Variants in NPR3 observed in about 807,000 individuals in gnomAD.
The protein encoded by NPR3 is atrial natriuretic peptide receptor 3.
In NPR3, 34 loss-of-function variants were observed where a neutral mutation model predicts 54.5. The observed-to-expected ratio is 0.62, with a 90% CI of 0.47 to 0.83. The LOEUF (loss-of-function observed/expected upper bound fraction) is 0.83, where lower values mean the gene tolerates loss of function less well. Ranked by LOEUF, NPR3 falls within the 40% of genes least tolerant of loss-of-function variation. NPR3 has a pLI of 0.00. For synonymous variants in NPR3, 289 were observed against 297.1 expected, an observed-to-expected ratio of 0.97 and a Z score of 0.28; for missense variants, 674 against 720.8, an observed-to-expected ratio of 0.94 and a Z score of 0.74.
rs185046580 is a variant in NPR3 at position 32,697,021 on chromosome 5, A to G, written c.100+7835A>G. Among the ~76,000 whole-genome samples, 216 of 152,206 alleles carry G rather than the reference A, an allele frequency of 1.4e-3. 1 individual carries two copies. Among genetic ancestry groups the G allele is most frequent in the African/African-American group, 5.1e-3 (211 of 41,552 alleles). On this transcript the variant is annotated intron_variant, in intron 1 of 5. Transcript: ENST00000509104. ...TCCTCTGGCTAAGACTTCCAGTACTATGTTTAATAACAGTGGTGACAGTGT... is the reference window on the plus strand; with the variant it reads ...TCCTCTGGCTAAGACTTCCAGTACTGTGTTTAATAACAGTGGTGACAGTGT...
intron 3 of NPR3, among the ~76,000 whole-genome samples, chr5:32,758,471 C>T (rs904565811): frequency 1.3e-4 from 19 of 151,956 alleles, no homozygotes; most frequent in African/African-American, 3.1e-4. Flanking sequence ...TTTTTTATTG[C>T]GTCTATTTGA....
chr5:32,721,016 A>G (rs1238247742), intron 1 of NPR3, among the ~76,000 whole-genome samples: 2 of 152,248 alleles, frequency 1.3e-5, no homozygotes, highest in African/African-American at 4.8e-5. Flanking sequence ...GATTGTATAA[A>G]GGCAAGTTAC....
chr5:32,783,281 T>C (rs944094111), intron 6 of NPR3: 2 of 353,782 alleles, frequency 5.7e-6, no homozygotes, highest in Non-Finnish European at 5.0e-6. Context: ...CTTGGCTAGG[T>C]CATGTTTCCA....
At chr5:32,736,224 C>A (rs1739735938) in intron 2 of NPR3, among the ~76,000 whole-genome samples, 1 of 110,076 alleles carries the variant, frequency 9.1e-6, no homozygotes, top group Non-Finnish European at 1.7e-5. Flanking sequence ...GAGAGACACT[C>A]TGTCTCAAAA....
At position 32,741,332 on chromosome 5, in the gene NPR3, C is replaced by T. The variant is rs540408048; in HGVS notation, c.1059+2302C>T. ...ACTTGAGAAGCTGAGGTAGGAGGATCACCTGAACCCAGGGAGCTCAAGGCT... is the reference window on the plus strand; with the variant it reads ...ACTTGAGAAGCTGAGGTAGGAGGATTACCTGAACCCAGGGAGCTCAAGGCT... On this transcript the variant is annotated intron_variant, in intron 3 of 7. Transcript: ENST00000265074. Among the ~76,000 whole-genome samples the T allele has an allele frequency of 5.3e-5, 8 of 152,292 alleles. No homozygotes were observed. In the South Asian group the frequency reaches 1.7e-3, roughly 32 times the overall value.
intron 1 of NPR3, among the ~76,000 whole-genome samples, chr5:32,718,469 T>C (rs1321664865): frequency 6.6e-6 from 1 of 152,252 alleles, no homozygotes; most frequent in Non-Finnish European, 1.5e-5. Context: ...TTCCTATCCA[T>C]GAGCATGGAA....
At position 32,723,463 on chromosome 5, in the gene NPR3, G is replaced by A. The variant is rs73755100; in HGVS notation, c.770-1235G>A. ...TGGAATCTTACAAACGATTTCTTAT[G>A]TATGTTGAGACAACCTGAAAATAAT... On this transcript the variant is annotated intron_variant, in intron 1 of 7. Coordinates refer to ENST00000265074, the MANE Select transcript of NPR3 (RefSeq NM_001204375.2). 2.6e-3 allele frequency among the ~76,000 whole-genome samples: 397 copies of A among 152,288 alleles called. 5 individuals carry two copies. Among genetic ancestry groups the A allele is most frequent in the African/African-American group, 9.1e-3 (380 of 41,560 alleles).
At chr5:32,783,059 G>A (rs778268575) in intron 6 of NPR3, 31 bp downstream of exon 6, 2 of 1,578,878 alleles carry the variant, frequency 1.3e-6, no homozygotes, top group South Asian at 1.2e-5. Context: ...TGCTATGTAT[G>A]TCATCACCTC....
At chr5:32,764,162 T>A (rs1317570244) in intron 3 of NPR3, among the ~76,000 whole-genome samples, 1 of 152,156 alleles carries the variant, frequency 6.6e-6, no homozygotes, top group African/African-American at 2.4e-5. Context: ...TCCTGATGTC[T>A]CCTTCGTGCA....
chr5:32,724,629 A>G, intron 1 of NPR3, 69 bp from the exon 2 acceptor site: 1 of 1,583,814 alleles, frequency 6.3e-7, no homozygotes, highest in Non-Finnish European at 8.7e-7. Flanking sequence ...GATGTCCCTT[A>G]CTGGTGTCAG....
intron 3 of NPR3, 92 bp from the exon 4 acceptor site, chr5:32,774,616 A>C: frequency 1.1e-6 from 1 of 925,486 alleles, no homozygotes; most frequent in Non-Finnish European, 1.8e-6. Context: ...ACAGACCTGA[A>C]GTCTAACTTG....
chr5:32,730,295 A>G (rs770577565), intron 2 of NPR3, among the ~76,000 whole-genome samples: 6 of 152,072 alleles, frequency 3.9e-5, no homozygotes, highest in Non-Finnish European at 5.9e-5. Flanking sequence ...AAAATAAAAA[A>G]TTATAAAACC....
intron 1 of NPR3, among the ~76,000 whole-genome samples, chr5:32,718,644 CTGTT>C (rs1230506233): frequency 5.9e-5 from 9 of 152,086 alleles, no homozygotes; most frequent in African/African-American, 2.2e-4. Context: ...ATTTGGCTCT[CTGTT>C]TGTCTGTTAA....
intron 3 of NPR3, among the ~76,000 whole-genome samples, chr5:32,765,799 T>C (rs1238870934): frequency 2.0e-5 from 3 of 152,158 alleles, no homozygotes; most frequent in Non-Finnish European, 2.9e-5. Context: ...AGATGACACA[T>C]TGAAAGGGAA....
chr5:32,773,980 T>C (rs929893277), intron 3 of NPR3, among the ~76,000 whole-genome samples: 1 of 152,192 alleles, frequency 6.6e-6, no homozygotes, highest in East Asian at 1.9e-4. Context: ...AACTTTAAGT[T>C]TCCTGAGGGC....
intron 4 of NPR3, among the ~76,000 whole-genome samples, chr5:32,776,968 A>C (rs554430780): frequency 1.3e-5 from 2 of 152,242 alleles, no homozygotes; most frequent in African/African-American, 2.4e-5. Flanking sequence ...TGTTTAGGAG[A>C]GATCACTCCA....
chr5:32,708,126 C>T (rs1190830734), upstream of NPR3, among the ~76,000 whole-genome samples: 1 of 151,300 alleles, frequency 6.6e-6, no homozygotes, highest in Non-Finnish European at 1.5e-5. Flanking sequence ...CATTGTCTTT[C>T]TTTCAAATGG....
intron 1 of NPR3, among the ~76,000 whole-genome samples, chr5:32,693,939 G>A (rs925658965): frequency 7.2e-5 from 11 of 152,066 alleles, no homozygotes; most frequent in East Asian, 5.8e-4. Context: ...GCTCTCCTTC[G>A]TCCTCAAAGT....
chr5:32,712,843 T>A (rs544634323), intron 1 of NPR3, among the ~76,000 whole-genome samples: 1 of 152,298 alleles, frequency 6.6e-6, no homozygotes, highest in African/African-American at 2.4e-5. Context: ...CTTCCCAGTT[T>A]CCACTTTGCC....
Sources: allele counts gnomAD v4.1 joint callset (sites outside exome capture counted in the v4.1 genomes callset), GRCh38; gene constraint gnomAD v4.1.1; transcripts MANE v1.5; gene names NCBI Gene and HGNC (gene_info 2026-07-23, HGNC 2026-07-21).